Variants in GULP1 observed in about 807,000 individuals in gnomAD.
GULP1 encodes PTB domain-containing engulfment adapter protein 1.
GULP1 carries 19 observed loss-of-function variants against 40.9 expected under a neutral mutation model. The ratio of observed to expected loss-of-function variants is 0.46; its 90% CI spans 0.32 to 0.68. GULP1 has a LOEUF of 0.68. Among genes scored for constraint, GULP1 ranks in the 30% least tolerant of loss-of-function variants. The probability of loss-of-function intolerance (pLI) is 0.03; values close to 1 mark genes in which losing one functional copy is unlikely to be tolerated. For synonymous variants in GULP1, 119 were observed against 117.6 expected (o/e 1.01, Z -0.08); for missense variants, 312 against 362.2 (o/e 0.86, Z 1.12).
rs544645566 is a variant in GULP1, at chr2:188,363,828, A to T, written c.-171-19935A>T. On this transcript the variant is annotated intron_variant, in intron 1 of 11. Transcript: ENST00000409830. ...TGAGAGAGGAGCAGCTTTAGCACTC[A>T]TGAAAATAAGGGCTTATTTCTATGT... Among the ~76,000 whole-genome samples, 5 of 152,288 alleles carry T rather than the reference A, an allele frequency of 3.3e-5. No individual in the cohort carries two copies. In the East Asian group the frequency reaches 9.7e-4, roughly 29 times the overall value.
chr2:188,411,477 C>T (rs914107366), intron 2 of GULP1, among the ~76,000 whole-genome samples: 9 of 152,142 alleles, frequency 5.9e-5, no homozygotes, highest in Admixed American at 2.6e-4. Flanking sequence ...TTCACGAGTC[C>T]ACTGGGTGAT....
chr2:188,375,813 A>G (rs193091421), intron 1 of GULP1, among the ~76,000 whole-genome samples: 120 of 152,262 alleles, frequency 7.9e-4, no homozygotes, highest in African/African-American at 2.8e-3. Flanking sequence ...TTTGGAAAAA[A>G]TTCTGTTTCT....
intron 7 of GULP1, 129 bp downstream of exon 7, chr2:188,541,447 A>G (rs984799780): frequency 9.8e-6 from 8 of 818,530 alleles, no homozygotes; most frequent in East Asian, 5.0e-5. Context: ...AAGTCTGTAA[A>G]TACTTAGCTG....
chr2:188,298,126 T>G (rs1310471773), intron 1 of GULP1, among the ~76,000 whole-genome samples: 1 of 152,146 alleles, frequency 6.6e-6, no homozygotes, highest in Non-Finnish European at 1.5e-5. Context: ...ATTTTATTTT[T>G]GTCTGCTTTG....
chr2:188,297,738 T>A, intron 1 of GULP1: 1 of 206,386 alleles, frequency 4.8e-6, no homozygotes, highest in South Asian at 7.0e-5. Flanking sequence ...TATAGCTGTA[T>A]AATATTTCAT....
intron 1 of GULP1, among the ~76,000 whole-genome samples, chr2:188,346,050 A>AT (rs1297365888): frequency 6.6e-6 from 1 of 152,176 alleles, no homozygotes; most frequent in Non-Finnish European, 1.5e-5. Context: ...AATATGGCCT[A>AT]TTTTTATGGA....
intron 2 of GULP1, among the ~76,000 whole-genome samples, chr2:188,398,623 T>G (rs2051639905): frequency 6.6e-6 from 1 of 152,220 alleles, no homozygotes; most frequent in Admixed American, 6.5e-5. Flanking sequence ...AAGTGGTTTT[T>G]CATCAATATG....
At chr2:188,320,772 A>G (rs1303617051) in intron 1 of GULP1, among the ~76,000 whole-genome samples, 4 of 152,102 alleles carry the variant, frequency 2.6e-5, no homozygotes, top group Non-Finnish European at 5.9e-5. Context: ...GAAATAACAT[A>G]AACTAAAATT....
At chr2:188,491,212 T>C (rs2153095625) in intron 4 of GULP1, among the ~76,000 whole-genome samples, 1 of 152,086 alleles carries the variant, frequency 6.6e-6, no homozygotes, top group South Asian at 2.1e-4. Flanking sequence ...ACTGTGAGAC[T>C]TAAGGATCTG....
chr2:188,481,378 G>T (rs1380381906), intron 3 of GULP1, among the ~76,000 whole-genome samples: 2 of 151,858 alleles, frequency 1.3e-5, no homozygotes, highest in Non-Finnish European at 2.9e-5. Context: ...ATGACAGTAA[G>T]AACTCATTTT....
intron 2 of GULP1, among the ~76,000 whole-genome samples, chr2:188,473,722 C>G (rs1318211550): frequency 6.6e-6 from 1 of 151,992 alleles, no homozygotes. Context: ...GTGCAAGAGC[C>G]CAGTTTTGGA....
chr2:188,396,359 A>G lies in GULP1; in HGVS notation c.-45+12470A>G, dbSNP rs149199976. ...CAAACAAGGGCTCCTGTGAGGGCCC[A>G]GGGGCGGTTCTTTGGCTACTGGAGT... On this transcript the variant is annotated intron_variant, in intron 2 of 11. Coordinates refer to ENST00000409830, the MANE Select transcript of GULP1 (RefSeq NM_016315.4). 4.4e-3 allele frequency among the ~76,000 whole-genome samples: 674 copies of G among 152,306 alleles called. 5 individuals carry two copies. Among genetic ancestry groups the G allele is most frequent in the African/African-American group, 0.015 (639 of 41,572 alleles).
intron 2 of GULP1, among the ~76,000 whole-genome samples, chr2:188,467,854 G>C (rs1310252451): frequency 1.3e-5 from 2 of 152,118 alleles, no homozygotes; most frequent in African/African-American, 2.4e-5. Context: ...GAATTTCTCA[G>C]AGGCTGCCTG....
intron 2 of GULP1, among the ~76,000 whole-genome samples, chr2:188,424,568 A>G (rs949041855): frequency 6.6e-6 from 1 of 151,956 alleles, no homozygotes; most frequent in Non-Finnish European, 1.5e-5. Context: ...CCATTATCAC[A>G]TTAAAATAAT....
chr2:188,492,066 C>T (rs1559303497), intron 4 of GULP1, among the ~76,000 whole-genome samples: 1 of 151,864 alleles, frequency 6.6e-6, no homozygotes, highest in East Asian at 1.9e-4. Flanking sequence ...AGTATTAAAA[C>T]ACCTCCTCTT....
intron 2 of GULP1, among the ~76,000 whole-genome samples, chr2:188,399,954 A>G (rs1051697764): frequency 6.6e-6 from 1 of 152,170 alleles, no homozygotes; most frequent in African/African-American, 2.4e-5. Context: ...TATGGAGTTT[A>G]TAGTCTAGTG....
intron 4 of GULP1, among the ~76,000 whole-genome samples, chr2:188,500,366 C>G (rs960293510): frequency 3.3e-5 from 5 of 151,858 alleles, no homozygotes; most frequent in African/African-American, 1.2e-4. Flanking sequence ...ACCTTGTTCC[C>G]TACCAATCTT....
At chr2:188,296,107 C>T (rs974777635) in intron 1 of GULP1, among the ~76,000 whole-genome samples, 14 of 152,134 alleles carry the variant, frequency 9.2e-5, no homozygotes, top group African/African-American at 3.1e-4. Flanking sequence ...GGTCCCTAAA[C>T]GTATTAGAGG....
At chr2:188,438,095 A>G (rs921196982) in intron 2 of GULP1, among the ~76,000 whole-genome samples, 4 of 152,156 alleles carry the variant, frequency 2.6e-5, no homozygotes, top group Admixed American at 1.3e-4. Flanking sequence ...ACATTAAAAA[A>G]TAAATACATA....
Sources: gnomAD v4.1 joint callset for allele counts (sites outside exome capture counted in the v4.1 genomes callset) on GRCh38, gnomAD v4.1.1 for gene constraint, MANE v1.5 for transcripts, NCBI Gene and HGNC (gene_info 2026-07-23, HGNC 2026-07-21) for gene names.